Variants in PTPMT1 observed in about 807,000 individuals in gnomAD.
PTPMT1 encodes phosphatidylglycerophosphatase and protein-tyrosine phosphatase 1.
A neutral mutation model predicts 17.8 loss-of-function variants in PTPMT1; 12 were observed. The observed-to-expected ratio is 0.67, with a 90% CI of 0.43 to 1.09. The LOEUF (loss-of-function observed/expected upper bound fraction) is 1.09. PTPMT1 is among the 50% of genes least tolerant of loss of function. The pLI is 0.00. For synonymous variants in PTPMT1, 132 were observed against 116.8 expected (o/e 1.13, Z -0.84); for missense variants, 262 against 266.0 (o/e 0.99, Z 0.10).
In PTPMT1 at chr11:47,571,510, G is replaced by A. The variant is rs201520358; in HGVS notation, c.487G>A (p.Ala163Thr). Reference sequence around the variant, plus strand: ...TCCAGAGGAGGCTGTAAGAGCCATCGCCAAGATCCGGTCATACATCCACAT... The same window carrying A: ...TCCAGAGGAGGCTGTAAGAGCCATCACCAAGATCCGGTCATACATCCACAT... ...WSPEEAVRAI[A>T]KIRSYIHIRP... Residue 163 changes from alanine to threonine, a missense_variant, in exon 4 of 4, where the codon GCC (alanine) becomes ACC (threonine). Physicochemically the swap from Ala to Thr is moderately conservative, Grantham distance 58. Transcript: ENST00000326674. 1.7e-4 allele frequency: 282 copies of A among 1,613,820 alleles called. 1 individual carries two copies. The highest frequency in any genetic ancestry group is 2.2e-4 in the Non-Finnish European group (255 of 1,180,002).
In PTPMT1 at chr11:47,571,787, A is replaced by C; in HGVS notation, c.*158A>C. 1 of 669,664 alleles carries C rather than the reference A, an allele frequency of 1.5e-6. No homozygotes were observed. The highest frequency in any genetic ancestry group is 2.6e-6 in the Non-Finnish European group (1 of 388,028). The allele number at this position is 669,664 out of a possible 1,614,324, so 41.5% of individuals were successfully genotyped here. Reference sequence around the variant, plus strand: ...TTCTCTGACTTGTTTTGTTTTCTTGAAATAACACTGTTGTGTGGCTAGAAA... The same window carrying C: ...TTCTCTGACTTGTTTTGTTTTCTTGCAATAACACTGTTGTGTGGCTAGAAA... On this transcript the variant is annotated 3_prime_UTR_variant, in exon 4 of 4. Transcript: ENST00000326674.
rs758372593 is a variant in PTPMT1 at position 47,573,149 on chromosome 11, G to C, written c.*1520G>C. On this transcript the variant is annotated 3_prime_UTR_variant, in exon 4 of 4. Coordinates refer to ENST00000326674, the MANE Select transcript of PTPMT1 (RefSeq NM_175732.3). The surrounding 1 kb of genome is among the most constrained non-coding windows in gnomAD (Gnocchi z 4.1). ...AAAGCCGGGTGAAGCTGTCTAGCAA[G>C]GGATTGTAGCACACCAGGGAGTCCC... 1.2e-6 allele frequency: 2 copies of C among 1,614,084 alleles called. No homozygotes were observed. Among genetic ancestry groups the C allele is most frequent in the East Asian group, 2.2e-5 (1 of 44,896 alleles).
At chr11:47,569,643 T>A in intron 2 of PTPMT1, 57 bp from the exon 3 acceptor site, 1 of 1,432,760 alleles carries the variant, frequency 7.0e-7, no homozygotes, top group Non-Finnish European at 9.5e-7. Context: ...CCCCTTATCA[T>A]CCCACCCACA....
intron 2 of PTPMT1, among the ~76,000 whole-genome samples, chr11:47,568,799 T>C (rs2097247824): frequency 6.6e-6 from 1 of 152,098 alleles, no homozygotes; most frequent in Non-Finnish European, 1.5e-5. Flanking sequence ...TAAACAATTC[T>C]CCTGCCTCAG....
In PTPMT1 at chr11:47,565,738, A is replaced by T; in HGVS notation, c.116A>T (p.His39Leu). 1 of 1,591,178 alleles carries T rather than the reference A, an allele frequency of 6.3e-7. No homozygotes were observed. The highest frequency in any genetic ancestry group is 2.3e-5 in the East Asian group (1 of 43,056). The change falls in exon 1 of 4, where the codon CAC (histidine) becomes CTC (leucine). Residue 39 changes from histidine (H) to leucine (L), a missense_variant. By Grantham distance (99) the His-to-Leu change is moderately conservative (BLOSUM62 -3). Transcript: ENST00000326674. ...VPGRAHRDWYHRIDPTVLLGA... is the reference protein window; with the variant it reads ...VPGRAHRDWYLRIDPTVLLGA... The stretch of plus-strand genomic sequence containing the variant: ...GGTCGGGCGCACCGGGACTGGTACC[A>T]CCGCATCGACCCCACCGTGCTGCTG...
chr11:47,573,351 A>G lies in PTPMT1; in HGVS notation c.*1722A>G. On this transcript the variant is annotated 3_prime_UTR_variant, in exon 4 of 4. Transcript: ENST00000326674. This position sits in a 1 kb window ranked among gnomAD's most constrained non-coding sequence, Gnocchi z 4.1. The stretch of plus-strand genomic sequence containing the variant: ...CTCCTCCCCCCCTAGTAAGTAGATG[A>G]TCCCGTTGAGGTTGGCACCAGCAGC... 1.2e-6 allele frequency: 2 copies of G among 1,614,124 alleles called. No individual in the cohort carries two copies. The highest frequency in any genetic ancestry group is 1.7e-6 in the Non-Finnish European group (2 of 1,180,030).
At chr11:47,568,901 G>C (rs1177021460) in intron 2 of PTPMT1, among the ~76,000 whole-genome samples, 2 of 151,896 alleles carry the variant, frequency 1.3e-5, no homozygotes, top group East Asian at 3.9e-4. Context: ...ATGTTAGCCA[G>C]GCTGGTCTCA....
In PTPMT1 at chr11:47,565,936, A is replaced by T; in HGVS notation, c.205A>T (p.Ile69Phe). Residue 69 changes from isoleucine (I) to phenylalanine (F), a missense_variant, in exon 2 of 4, where the codon ATC becomes TTC. Ile to Phe is a conservative substitution (Grantham distance 21, BLOSUM62 0). Coordinates refer to ENST00000326674, the MANE Select transcript of PTPMT1 (RefSeq NM_175732.3). ...ACAGGACGAGAACGTGCGCGGGGTG[A>T]TCACCATGAACGAGGAGTACGAGAC... Reference protein sequence around the residue: ...LVQDENVRGVITMNEEYETRF... With the variant: ...LVQDENVRGVFTMNEEYETRF... 6.2e-7 allele frequency: 1 copy of T among 1,609,996 alleles called. No individual in the cohort carries two copies. Among genetic ancestry groups the T allele is most frequent in the Non-Finnish European group, 8.5e-7 (1 of 1,178,492 alleles).
intron 2 of PTPMT1, among the ~76,000 whole-genome samples, chr11:47,568,076 T>G (rs1024397097): frequency 6.6e-6 from 1 of 151,946 alleles, no homozygotes; most frequent in Non-Finnish European, 1.5e-5. Context: ...CCTGCCACCA[T>G]GCCCGGCTAA....
rs1197636066 is a variant in PTPMT1, at chr11:47,572,812, G to C, written c.*1183G>C. The C allele has an allele frequency of 2.6e-5, 27 of 1,050,742 alleles. No homozygotes were observed. The Admixed American group carries it at 6.6e-4, about 26-fold the overall frequency. 65.1% of individuals were successfully genotyped at this position (1,050,742 alleles called of 1,614,324 possible). ...CTCCATGGATTCAGGGAAGGGCTGA[G>C]GCACTGCCTTTCTAGTATGTGCCAA... On this transcript the variant is annotated 3_prime_UTR_variant, in exon 4 of 4. Transcript: ENST00000326674.
At position 47,571,521 on chromosome 11, in the gene PTPMT1, G is replaced by A. The variant is rs750988549; in HGVS notation, c.498G>A (p.Arg166=). ...CTGTAAGAGCCATCGCCAAGATCCGGTCATACATCCACATCAGGCCTGGCC... is the reference window on the plus strand; with the variant it reads ...CTGTAAGAGCCATCGCCAAGATCCGATCATACATCCACATCAGGCCTGGCC... ...EEAVRAIAKI[R]SYIHIRPGQL... Residue 166 remains arginine, a synonymous_variant, in exon 4 of 4, where the codon CGG becomes CGA. Coordinates refer to ENST00000326674, the MANE Select transcript of PTPMT1 (RefSeq NM_175732.3). 1.2e-6 allele frequency: 2 copies of A among 1,613,994 alleles called. No individual in the cohort carries two copies. Among genetic ancestry groups the A allele is most frequent in the Middle Eastern group, 1.6e-4 (1 of 6,062 alleles).
intron 2 of PTPMT1, among the ~76,000 whole-genome samples, chr11:47,567,109 T>C (rs965154036): frequency 2.0e-5 from 3 of 152,106 alleles, no homozygotes; most frequent in South Asian, 2.1e-4. Context: ...TTGAAAATAT[T>C]TGTGACTTGG....
Position 47,571,772 on chromosome 11 carries a change from T to C in PTPMT1, c.*143T>C, listed in dbSNP as rs2097249895. 4.1e-6 allele frequency: 3 copies of C among 737,790 alleles called. No homozygotes were observed. The highest frequency in any genetic ancestry group is 6.7e-6 in the Non-Finnish European group (3 of 447,676). The allele number at this position is 737,790 out of a possible 1,614,324, so 45.7% of individuals were successfully genotyped here. On this transcript the variant is annotated 3_prime_UTR_variant, in exon 4 of 4. Transcript: ENST00000326674. ...ATAGGTAATTTTTCTTTCTCTGACT[T>C]GTTTTGTTTTCTTGAAATAACACTG...
chr11:47,573,419 A>T lies in PTPMT1; in HGVS notation c.*1790A>T. 1.2e-6 allele frequency: 2 copies of T among 1,614,182 alleles called. No individual in the cohort carries two copies. The highest frequency in any genetic ancestry group is 1.7e-6 in the Non-Finnish European group (2 of 1,180,026). On this transcript the variant is annotated 3_prime_UTR_variant, in exon 4 of 4. Transcript: ENST00000326674. The surrounding 1 kb of genome is among the most constrained non-coding windows in gnomAD (Gnocchi z 4.1). ...CTAGCTGAGTTGTCTCTGTCCACAC[A>T]TTATCACCTACGCGATAATAAATGA...
chr11:47,569,331 A>G (rs2097248168), intron 2 of PTPMT1, among the ~76,000 whole-genome samples: 1 of 145,028 alleles, frequency 6.9e-6, no homozygotes, highest in Non-Finnish European at 1.5e-5. Flanking sequence ...GGTTGTGGTG[A>G]GCTGAGATCA....
rs2097247758 is a variant in PTPMT1 at position 47,568,722 on chromosome 11, G to C, written c.256-978G>C. 2.6e-5 allele frequency among the ~76,000 whole-genome samples: 4 copies of C among 152,044 alleles called. No homozygotes were observed. In the South Asian group the frequency reaches 8.3e-4, roughly 32 times the overall value. On this transcript the variant is annotated intron_variant, in intron 2 of 3. Transcript: ENST00000326674. ...ATATATATTTTTGAGATGTTGTTTTGCTCTTGTCTCCCAGGCTGGAGTACA... is the reference window on the plus strand; with the variant it reads ...ATATATATTTTTGAGATGTTGTTTTCCTCTTGTCTCCCAGGCTGGAGTACA...
Position 47,571,635 on chromosome 11 carries a change from G to A in PTPMT1, c.*6G>A, listed in dbSNP as rs907727748. The A allele has an allele frequency of 1.1e-5, 18 of 1,613,640 alleles. No homozygotes were observed. Among genetic ancestry groups the A allele is most frequent in the Middle Eastern group, 3.3e-4 (2 of 6,080 alleles). Reference sequence around the variant, plus strand: ...TTGTCATTTCAAAGACATGATGTATGGGGATTAGAAAGAACTCAAGACACT... The same window carrying A: ...TTGTCATTTCAAAGACATGATGTATAGGGATTAGAAAGAACTCAAGACACT... On this transcript the variant is annotated 3_prime_UTR_variant, in exon 4 of 4. Transcript: ENST00000326674.
intron 2 of PTPMT1, 93 bp from the exon 3 acceptor site, chr11:47,569,607 C>A (rs998638804): frequency 2.5e-5 from 24 of 970,020 alleles, no homozygotes; most frequent in Middle Eastern, 2.5e-4. Flanking sequence ...CTGAAACTTC[C>A]TTGTTGCTTT....
chr11:47,567,713 G>A (rs185979700), intron 2 of PTPMT1, among the ~76,000 whole-genome samples: 5 of 147,936 alleles, frequency 3.4e-5, no homozygotes, highest in African/African-American at 1.2e-4. Flanking sequence ...GTGCCTGCCA[G>A]CATGCCTGGC....
Sources: gnomAD v4.1 joint callset for allele counts (sites outside exome capture counted in the v4.1 genomes callset) on GRCh38, gnomAD v4.1.1 for gene constraint, Gnocchi (gnomAD v3.1) non-coding constraint, MANE v1.5 for transcripts, NCBI Gene and HGNC (gene_info 2026-07-23, HGNC 2026-07-21) for gene names.